The following SLC23A2 variants were observed in gnomAD, a reference collection of about 807,000 sequenced individuals.
SLC23A2 encodes solute carrier family 23 member 2.
A neutral mutation model predicts 73.3 loss-of-function variants in SLC23A2; 36 were observed. That is an observed-to-expected ratio of 0.49 (90% CI 0.38 to 0.65). SLC23A2 has a LOEUF of 0.65. SLC23A2 is among the 30% of genes least tolerant of loss of function. The pLI is 0.00. For missense variants in SLC23A2, 507 were observed against 841.6 expected (o/e 0.60, Z 4.92); for synonymous variants, 343 against 327.3 (o/e 1.05, Z -0.52).
Position 4,999,024 on chromosome 20 carries a change from C to T in SLC23A2, c.-282+2382G>A, listed in dbSNP as rs1277330448. On this transcript the variant is annotated intron_variant, in intron 1 of 16. Coordinates refer to ENST00000338244, the MANE Select transcript of SLC23A2 (RefSeq NM_005116.6). Reference sequence around the variant, plus strand: ...TTCACCATGGTGGCCAGGCTGCTCTCGAACTCCTGAGCTCAAGCGACCTGC... The same window carrying T: ...TTCACCATGGTGGCCAGGCTGCTCTTGAACTCCTGAGCTCAAGCGACCTGC... Among the ~76,000 whole-genome samples the T allele has an allele frequency of 2.6e-5, 4 of 152,114 alleles. No homozygotes were observed. In the East Asian group the frequency reaches 5.8e-4, roughly 22 times the overall value.
chr20:5,009,354 T>C (rs1028965120), intron 1 of SLC23A2, among the ~76,000 whole-genome samples: 1 of 152,214 alleles, frequency 6.6e-6, no homozygotes, highest in African/African-American at 2.4e-5. Flanking sequence ...ATCTCCTTAA[T>C]GTCCTCTGGA....
rs375441910 is a variant in SLC23A2 at position 5,006,948 on chromosome 20, C to CGTGTGT, written c.-282+3228_-282+3233dup. On this transcript the variant is annotated intron_variant, in intron 1 of 16. Coordinates refer to the SLC23A2 transcript ENST00000379333. ...CAGGACCAAGACCTGCCTGAAATGA[C>CGTGTGT]GTGTGTGTGTGTGTGTGTGTGTGTG... Among the ~76,000 whole-genome samples, 991 of 148,108 alleles carry CGTGTGT rather than the reference C, an allele frequency of 6.7e-3. 8 individuals carry two copies. Among genetic ancestry groups the CGTGTGT allele is most frequent in the African/African-American group, 0.019 (761 of 40,462 alleles).
At chr20:4,896,077 C>G (rs1216155005) in intron 6 of SLC23A2, among the ~76,000 whole-genome samples, 1 of 152,108 alleles carries the variant, frequency 6.6e-6, no homozygotes, top group East Asian at 1.9e-4. Context: ...TGCATCCCAA[C>G]AGGAAGGGAT....
Position 4,899,139 on chromosome 20 carries a change from G to A in SLC23A2, c.482+416C>T, listed in dbSNP as rs1931653248. On this transcript the variant is annotated intron_variant, in intron 6 of 16. Coordinates refer to ENST00000338244, the MANE Select transcript of SLC23A2 (RefSeq NM_005116.6). The surrounding 1 kb of genome is among the most constrained non-coding windows in gnomAD (Gnocchi z 4.9). ...CAGTGTGGCTCACCCTGAGGAGGGT[G>A]TGGAAGTAGAAAGATGGCACTGGGT... is the stretch of plus-strand genomic sequence containing the variant. Among the ~76,000 whole-genome samples, 1 of 152,224 alleles carries A rather than the reference G, an allele frequency of 6.6e-6. No homozygotes were observed.
At chr20:4,990,477 C>G (rs1480278849) in intron 1 of SLC23A2, among the ~76,000 whole-genome samples, 1 of 151,846 alleles carries the variant, frequency 6.6e-6, no homozygotes, top group Admixed American at 6.6e-5. Context: ...TCAATTGATT[C>G]CCATGCTACT....
rs541743816 is a variant in SLC23A2, at chr20:4,883,778, C to T, written c.688G>A (p.Gly230Ser). ...IMSSLIEVVI[G>S]LLGLPGALLK... ...AGAGCCCCAGGCAGGCCGAGGAGGC[C>T]GATGACTACTTCTATCAGTGAGGAC... Residue 230 changes from glycine to serine, a missense_variant, in exon 9 of 17, where the codon GGC (glycine) becomes AGC (serine). By Grantham distance (56) the Gly-to-Ser change is moderately conservative (BLOSUM62 0). Around this residue, in one of 5 missense-constraint regions of SLC23A2, gnomAD observed 217 missense variants for 398.0 expected, o/e 0.55. Coordinates refer to ENST00000338244, the MANE Select transcript of SLC23A2 (RefSeq NM_005116.6). The surrounding 1 kb of genome is among the most constrained non-coding windows in gnomAD (Gnocchi z 4.5). The T allele has an allele frequency of 6.8e-6, 11 of 1,613,470 alleles. No homozygotes were observed. The African/African-American group carries it at 8.0e-5, about 12-fold the overall frequency.
intron 1 of SLC23A2, among the ~76,000 whole-genome samples, chr20:4,972,481 A>G (rs913318854): frequency 2.8e-4 from 42 of 150,810 alleles, no homozygotes; most frequent in Middle Eastern, 3.2e-3. Flanking sequence ...TTTTGCATGC[A>G]AGGAAAAAAA....
At chr20:4,952,103 C>CAAAAAAAAAAAA (rs57832305) in intron 2 of SLC23A2, among the ~76,000 whole-genome samples, 6 of 40,524 alleles carry the variant, frequency 1.5e-4, no homozygotes, top group Non-Finnish European at 2.4e-4. Context: ...GACTCTGACT[C>CAAAAAAAAAAAA]AAAAAAAAAA....
Position 4,996,492 on chromosome 20 carries a change from G to C in SLC23A2, c.-282+4914C>G, listed in dbSNP as rs544822433. Among the ~76,000 whole-genome samples, 10 of 151,926 alleles carry C rather than the reference G, an allele frequency of 6.6e-5. No homozygotes were observed. The East Asian group carries it at 1.4e-3, about 21-fold the overall frequency. On this transcript the variant is annotated intron_variant, in intron 1 of 16. Transcript: ENST00000338244. ...CACGAGGTCAGGAGTTTGAGACCAG[G>C]CTGGCCAACATGGTGAAACACCATC...
chr20:4,871,816 C>A lies in SLC23A2; in HGVS notation c.1103-1763G>T, dbSNP rs575755914. Among the ~76,000 whole-genome samples the A allele has an allele frequency of 2.0e-5, 3 of 152,260 alleles. No homozygotes were observed. The East Asian group carries it at 5.8e-4, about 29-fold the overall frequency. On this transcript the variant is annotated intron_variant, in intron 11 of 16. Coordinates refer to ENST00000338244, the MANE Select transcript of SLC23A2 (RefSeq NM_005116.6). The stretch of plus-strand genomic sequence containing the variant: ...GGAATGGATTTTCCTCATTCAGAGG[C>A]CTTCCTCACCAAGGAACATTTTGCT...
In SLC23A2 at chr20:4,994,140, C is replaced by T. The variant is rs183514845; in HGVS notation, c.-282+7266G>A. On this transcript the variant is annotated intron_variant, in intron 1 of 16. Transcript: ENST00000338244. ...AATTCTCAGCACTGACCACATATACCTTACTGTGAAGCAGGATCACCAAAC... is the reference window on the plus strand; with the variant it reads ...AATTCTCAGCACTGACCACATATACTTTACTGTGAAGCAGGATCACCAAAC... Among the ~76,000 whole-genome samples, 19 of 152,206 alleles carry T rather than the reference C, an allele frequency of 1.2e-4. No individual in the cohort carries two copies. The East Asian group carries it at 3.7e-3, about 29-fold the overall frequency.
At chr20:4,931,068 GAAAAAAAAAAAAAAA>G (rs758041566) in intron 3 of SLC23A2, among the ~76,000 whole-genome samples, 2 of 75,078 alleles carry the variant, frequency 2.7e-5, no homozygotes, top group Non-Finnish European at 5.2e-5. Flanking sequence ...ATTTTTTTAA[GAAAAAAAAAAAAAAA>G]AAAAAAAAAG....
At chr20:4,971,140 T>G (rs990950903) in intron 1 of SLC23A2, among the ~76,000 whole-genome samples, 5 of 152,124 alleles carry the variant, frequency 3.3e-5, no homozygotes, top group African/African-American at 2.4e-5. Flanking sequence ...TTCTACAAAG[T>G]ATTTTGAAAG....
chr20:4,964,899 G>A (rs1356136476), intron 2 of SLC23A2, among the ~76,000 whole-genome samples: 5 of 137,704 alleles, frequency 3.6e-5, no homozygotes, highest in Admixed American at 7.4e-5. Flanking sequence ...GGGAAAAGAA[G>A]AAAAAAAAAA....
Position 4,947,883 on chromosome 20 carries a change from C to A in SLC23A2, c.-154-15167G>T, listed in dbSNP as rs1428395985. ...TTTCAGGGAATAGAAAGAATGCTTTCTTCTCTTCCAGGTCTCCAGATGCCT... is the reference window on the plus strand; with the variant it reads ...TTTCAGGGAATAGAAAGAATGCTTTATTCTCTTCCAGGTCTCCAGATGCCT... On this transcript the variant is annotated intron_variant, in intron 2 of 16. Transcript: ENST00000338244. The surrounding 1 kb of genome is among the most constrained non-coding windows in gnomAD (Gnocchi z 4.4). Among the ~76,000 whole-genome samples, 4 of 152,198 alleles carry A rather than the reference C, an allele frequency of 2.6e-5. No homozygotes were observed. Among genetic ancestry groups the A allele is most frequent in the Non-Finnish European group, 5.9e-5 (4 of 68,038 alleles).
chr20:4,996,291 C>A (rs2088019210), intron 1 of SLC23A2, among the ~76,000 whole-genome samples: 1 of 152,124 alleles, frequency 6.6e-6, no homozygotes, highest in African/African-American at 2.4e-5. Context: ...GTAAGAGTTA[C>A]ACACATAGAT....
At chr20:4,875,723 T>C (rs1211119849) in intron 9 of SLC23A2, among the ~76,000 whole-genome samples, 1 of 152,120 alleles carries the variant, frequency 6.6e-6, no homozygotes, top group African/African-American at 2.4e-5. Context: ...CCCAGGTGGA[T>C]TTTTACTCAT....
chr20:4,906,334 CA>C (rs1380734066), intron 4 of SLC23A2, among the ~76,000 whole-genome samples: 1 of 149,906 alleles, frequency 6.7e-6, no homozygotes, highest in Non-Finnish European at 1.5e-5. Flanking sequence ...GATCTTGTCT[CA>C]AAAAAAACAG....
chr20:4,887,821 C>G (rs766616529), intron 6 of SLC23A2, among the ~76,000 whole-genome samples: 5 of 152,238 alleles, frequency 3.3e-5, no homozygotes, highest in African/African-American at 1.2e-4. Context: ...GACGCCAGCA[C>G]TAAGTGTGGG....
Sources: allele counts gnomAD v4.1 joint callset (sites outside exome capture counted in the v4.1 genomes callset), GRCh38; gene constraint gnomAD v4.1.1; regional missense constraint gnomAD v4.1.1; non-coding constraint Gnocchi (gnomAD v3.1); transcripts MANE v1.5; gene names NCBI Gene and HGNC (gene_info 2026-07-23, HGNC 2026-07-21).